The following MYO3A variants were observed in gnomAD, a reference collection of about 807,000 sequenced individuals.
MYO3A encodes myosin IIIA, also known as myosin-IIIa.
Under a neutral mutation model 192.7 loss-of-function variants are expected in MYO3A, and 180 were observed. That is an observed-to-expected ratio of 0.93 (90% CI 0.83 to 1.06). The LOEUF (loss-of-function observed/expected upper bound fraction) is 1.06, where lower values mean the gene tolerates loss of function less well. Ranked by LOEUF, MYO3A falls within the 50% of genes least tolerant of loss-of-function variation. MYO3A has a pLI of 0.00. For synonymous variants in MYO3A, 628 were observed against 645.3 expected, an observed-to-expected ratio of 0.97 and a Z score of 0.41; for missense variants, 1,896 against 1,905.0, an observed-to-expected ratio of 1.00 and a Z score of 0.09.
In MYO3A at chr10:26,174,159, A is replaced by G. The variant is rs1842194884; in HGVS notation, c.3895A>G (p.Asn1299Asp). 2.5e-6 allele frequency: 4 copies of G among 1,614,094 alleles called. No homozygotes were observed. The highest frequency in any genetic ancestry group is 3.4e-6 in the Non-Finnish European group (4 of 1,180,052). Residue 1299 changes from asparagine to aspartate, a missense_variant, in exon 30 of 35, where the codon AAC (asparagine) becomes GAC (aspartate). Physicochemically the swap from Asn to Asp is conservative, Grantham distance 23. Transcript: ENST00000642920. The stretch of plus-strand genomic sequence containing the variant: ...CCAAAGGTCAATTTATCAAAATGCA[A>G]ACAGCATGGAAAAAGAAAAGAAGAC... ...LSQRSIYQNA[N>D]SMEKEKKTSV...
intron 1 of MYO3A, among the ~76,000 whole-genome samples, chr10:25,934,872 G>T (rs534379606): frequency 1.3e-5 from 2 of 152,210 alleles, no homozygotes; most frequent in East Asian, 3.9e-4. Flanking sequence ...TGGCGTAAGG[G>T]GTGAAGGAAG....
intron 31 of MYO3A, among the ~76,000 whole-genome samples, chr10:26,188,136 C>T (rs1373744443): frequency 1.3e-5 from 2 of 152,204 alleles, no homozygotes; most frequent in African/African-American, 4.8e-5. Flanking sequence ...TATTTCTCCA[C>T]ATCCTCTCCA....
At chr10:26,020,049 T>C (rs546100397) in intron 7 of MYO3A, among the ~76,000 whole-genome samples, 34 of 152,348 alleles carry the variant, frequency 2.2e-4, no homozygotes, top group African/African-American at 8.2e-4. Context: ...TGTCTTTATA[T>C]ATAGACATAT....
rs910832533 is a variant in MYO3A at position 25,934,245 on chromosome 10, G to C, written c.-188G>C. On this transcript the variant is annotated 5_prime_UTR_variant, in exon 1 of 35. Coordinates refer to ENST00000642920, the MANE Select transcript of MYO3A (RefSeq NM_017433.5). ...AGGCGGCCCAGTTCTTCCCCTGCTC[G>C]GCTGCCCCTGCCCGCCCCTCGAGGG... 2 of 152,464 alleles carry C rather than the reference G, an allele frequency of 1.3e-5. No individual in the cohort carries two copies. The highest frequency in any genetic ancestry group is 2.4e-5 in the African/African-American group (1 of 41,474). 9.4% of individuals were successfully genotyped at this position (152,464 alleles called of 1,614,324 possible). A position where few individuals can be genotyped will look rare whatever the true frequency, so the allele number is the denominator to read the frequency against.
rs202189844 is a variant in MYO3A, at chr10:26,016,900, A to T, written c.585+4A>T. ...ACCGTTTTGGATGGCTCCTGAGGTC[A>T]GATAGAGTTTTGAGGCAGACAAACG... On this transcript the variant is annotated splice_donor_region_variant and intron_variant, in intron 7 of 34. Coordinates refer to ENST00000642920, the MANE Select transcript of MYO3A (RefSeq NM_017433.5). The T allele has an allele frequency of 1.8e-4, 288 of 1,613,958 alleles. No individual in the cohort carries two copies. In the African/African-American group the frequency reaches 3.2e-3, roughly 18 times the overall value.
At chr10:26,074,984 T>G (rs993165742) in intron 14 of MYO3A, among the ~76,000 whole-genome samples, 21 of 152,208 alleles carry the variant, frequency 1.4e-4, no homozygotes, top group African/African-American at 4.3e-4. Flanking sequence ...CCAGCACCAT[T>G]TATTGAAAAA....
chr10:26,205,608 C>CTTTTTT lies in MYO3A; in HGVS notation c.4730+2522_4730+2527dup, dbSNP rs576007724. ...AAAATGGCAGGATTTCTTTTCTTTT[C>CTTTTTT]TTTTTTTTTTTTTTTTTTTTTTTTT... is the stretch of plus-strand genomic sequence containing the variant. On this transcript the variant is annotated intron_variant, in intron 34 of 34. Coordinates refer to ENST00000642920, the MANE Select transcript of MYO3A (RefSeq NM_017433.5). Among the ~76,000 whole-genome samples the CTTTTTT allele has an allele frequency of 6.1e-3, 416 of 68,658 alleles. 15 individuals carry two copies. The highest frequency in any genetic ancestry group is 8.1e-3 in the African/African-American group (126 of 15,576). The allele number at this position is 68,658 out of a possible 152,430, so 45.0% of individuals were successfully genotyped here. A position where few individuals can be genotyped will look rare whatever the true frequency, so the allele number is the denominator to read the frequency against.
At chr10:26,179,396 C>T (rs1036771902) in intron 31 of MYO3A, among the ~76,000 whole-genome samples, 1 of 152,116 alleles carries the variant, frequency 6.6e-6, no homozygotes, top group Non-Finnish European at 1.5e-5. Flanking sequence ...AGCCACTGCA[C>T]CTGACCTAAT....
At chr10:26,164,739 G>T (rs1415617794) in intron 26 of MYO3A, among the ~76,000 whole-genome samples, 1 of 152,146 alleles carries the variant, frequency 6.6e-6, no homozygotes, top group East Asian at 1.9e-4. Flanking sequence ...GCGGGTCCAG[G>T]CACGCATGTT....
intron 10 of MYO3A, among the ~76,000 whole-genome samples, chr10:26,046,147 G>A (rs1459806791): frequency 3.3e-5 from 5 of 152,250 alleles, no homozygotes; most frequent in South Asian, 2.1e-4. Context: ...GATTTATAGC[G>A]TTGGTCAGAA....
intron 7 of MYO3A, among the ~76,000 whole-genome samples, chr10:26,019,642 A>C (rs1398735673): frequency 2.0e-5 from 3 of 152,170 alleles, no homozygotes; most frequent in African/African-American, 7.2e-5. Context: ...ATTGAGTCAT[A>C]CAATATATGG....
Position 26,174,197 on chromosome 10 carries a change from C to G in MYO3A, c.3933C>G (p.Thr1311=). The stretch of plus-strand genomic sequence containing the variant: ...AAGAAAAGAAGACATCTGTAGTTAC[C>G]CAGCGTGCACCGATATGCAGCCAGG... ...MEKEKKTSVV[T]QRAPICSQEE... Residue 1311 remains threonine (T), a synonymous_variant, in exon 30 of 35, where the codon ACC becomes ACG. Transcript: ENST00000642920. 6.2e-7 allele frequency: 1 copy of G among 1,614,110 alleles called. No individual in the cohort carries two copies. Among genetic ancestry groups the G allele is most frequent in the African/African-American group, 1.3e-5 (1 of 75,006 alleles).
intron 17 of MYO3A, among the ~76,000 whole-genome samples, chr10:26,100,144 T>G (rs1837342249): frequency 6.6e-6 from 1 of 152,198 alleles, no homozygotes; most frequent in African/African-American, 2.4e-5. Flanking sequence ...TGGGAGGGTG[T>G]ATGTGTCCAG....
intron 32 of MYO3A, among the ~76,000 whole-genome samples, chr10:26,197,810 C>T (rs1843485243): frequency 6.6e-6 from 1 of 152,206 alleles, no homozygotes; most frequent in Non-Finnish European, 1.5e-5. Flanking sequence ...AGGTGATCTG[C>T]CCGTCTTGGC....
chr10:26,120,102 G>C (rs553869986), intron 17 of MYO3A, among the ~76,000 whole-genome samples: 1 of 151,940 alleles, frequency 6.6e-6, no homozygotes, highest in Non-Finnish European at 1.5e-5. Flanking sequence ...AGGCAGAGGC[G>C]GTAGTGAGCT....
intron 17 of MYO3A, among the ~76,000 whole-genome samples, chr10:26,114,279 C>T (rs1564563258): frequency 6.6e-6 from 1 of 152,190 alleles, no homozygotes. Flanking sequence ...TCCTCTCTCA[C>T]ATGGGCATCA....
chr10:26,049,661 CTTTCTTTCTTTCTTTTTT>C (rs1371674503), intron 10 of MYO3A, among the ~76,000 whole-genome samples: 12 of 104,572 alleles, frequency 1.1e-4, no homozygotes, highest in Non-Finnish European at 2.0e-5. Flanking sequence ...TTCTTTCTTT[CTTTCTTTCTTTCTTTTTT>C]TTTTTTTTTT....
At chr10:26,119,214 C>G (rs2131691631) in intron 17 of MYO3A, among the ~76,000 whole-genome samples, 1 of 152,274 alleles carries the variant, frequency 6.6e-6, no homozygotes, top group South Asian at 2.1e-4. Flanking sequence ...CCCAGGAACT[C>G]TCCTCTTTAT....
At chr10:26,154,166 G>A (rs1840965031) in intron 24 of MYO3A, among the ~76,000 whole-genome samples, 1 of 151,742 alleles carries the variant, frequency 6.6e-6, no homozygotes, top group South Asian at 2.1e-4. Context: ...TTTTTGGGGG[G>A]CAGTTTTTGT....
Sources: allele counts gnomAD v4.1 joint callset (sites outside exome capture counted in the v4.1 genomes callset), GRCh38; gene constraint gnomAD v4.1.1; transcripts MANE v1.5; gene names NCBI Gene and HGNC (gene_info 2026-07-23, HGNC 2026-07-21).